Variants in AGAP1 observed in about 807,000 individuals in gnomAD.
The protein encoded by AGAP1 is arf-GAP with GTPase, ANK repeat and PH domain-containing protein 1.
A neutral mutation model predicts 105.3 loss-of-function variants in AGAP1; 29 were observed. The observed-to-expected ratio is 0.28, with a 90% CI of 0.21 to 0.38. The LOEUF is 0.38. Ranked by LOEUF, AGAP1 falls within the 10% of genes least tolerant of loss-of-function variation. The pLI is 1.00. For synonymous variants in AGAP1, 509 were observed against 485.9 expected (o/e 1.05, Z -0.63); for missense variants, 998 against 1,165.1 (o/e 0.86, Z 2.09).
chr2:236,104,558 C>T lies in AGAP1; in HGVS notation c.2115-15634C>T, dbSNP rs955625885. On this transcript the variant is annotated intron_variant, in intron 16 of 17. Transcript: ENST00000304032. The surrounding 1 kb of genome is among the most constrained non-coding windows in gnomAD (Gnocchi z 4.7). ...TCAGAATCCCTTACAAAGCCACAGC[C>T]CTCTGGCCTCTTAGAGAATCCAACT... Among the ~76,000 whole-genome samples the T allele has an allele frequency of 2.0e-5, 3 of 152,202 alleles. No individual in the cohort carries two copies. Among genetic ancestry groups the T allele is most frequent in the Non-Finnish European group, 2.9e-5 (2 of 68,038 alleles).
chr2:235,897,945 A>G (rs2050884304), intron 10 of AGAP1, among the ~76,000 whole-genome samples: 1 of 152,148 alleles, frequency 6.6e-6, no homozygotes, highest in Non-Finnish European at 1.5e-5. Context: ...GAAACCAATC[A>G]AGGTGCGATT....
Position 235,727,735 on chromosome 2 carries a change from G to A in AGAP1, c.310+10091G>A, listed in dbSNP as rs3768962. Reference sequence around the variant, plus strand: ...CCTGTTTTATCGGTGTCAGGAAAGGGGAGCGATCAGTCTCTCAGGAGGTAC... The same window carrying A: ...CCTGTTTTATCGGTGTCAGGAAAGGAGAGCGATCAGTCTCTCAGGAGGTAC... On this transcript the variant is annotated intron_variant, in intron 3 of 17. Transcript: ENST00000304032. Among the ~76,000 whole-genome samples, 6 of 152,160 alleles carry A rather than the reference G, an allele frequency of 3.9e-5. No homozygotes were observed. In the East Asian group the frequency reaches 1.2e-3, roughly 29 times the overall value.
intron 1 of AGAP1, among the ~76,000 whole-genome samples, chr2:235,703,208 G>A (rs112347878): frequency 9.9e-5 from 15 of 152,132 alleles, no homozygotes; most frequent in African/African-American, 2.6e-4. Flanking sequence ...GATTACAGGC[G>A]TGAGTCACCA....
intron 13 of AGAP1, among the ~76,000 whole-genome samples, chr2:235,996,419 A>C (rs1335681939): frequency 6.6e-6 from 1 of 152,248 alleles, no homozygotes; most frequent in Non-Finnish European, 1.5e-5. Context: ...GTTGTGCTGT[A>C]GTTAAGAGAA....
chr2:236,094,157 G>A (rs28656882), intron 16 of AGAP1, among the ~76,000 whole-genome samples: 18,104 of 152,016 alleles, frequency 0.12, 1,911 homozygotes, highest in African/African-American at 0.28. Context: ...TGACAAGACT[G>A]ATCAAAAGCT....
rs910945266 is a variant in AGAP1, at chr2:235,882,121, C to A, written c.1051-1224C>A. Among the ~76,000 whole-genome samples the A allele has an allele frequency of 1.3e-5, 2 of 151,822 alleles. No individual in the cohort carries two copies. Among genetic ancestry groups the A allele is most frequent in the African/African-American group, 4.8e-5 (2 of 41,312 alleles). ...TTTTTGTTTTTGTTCTTTTTGGCTA[C>A]AAGGTGTGTTTTATTTTCATTATTC... On this transcript the variant is annotated intron_variant, in intron 9 of 17. Coordinates refer to ENST00000304032, the MANE Select transcript of AGAP1 (RefSeq NM_001037131.3). The surrounding 1 kb of genome is among the most constrained non-coding windows in gnomAD (Gnocchi z 4.6).
Position 235,889,546 on chromosome 2 carries a change from C to CTT in AGAP1, c.1155+6112_1155+6113dup, listed in dbSNP as rs5839611. ...CGTCATCCCCCAAAAGTGTCTTTGC[C>CTT]TTTTTTTTTTTTTTTTAGCCCTGAG... On this transcript the variant is annotated intron_variant, in intron 10 of 17. Transcript: ENST00000304032. This position sits in a 1 kb window ranked among gnomAD's most constrained non-coding sequence, Gnocchi z 4.6. 0.029 allele frequency among the ~76,000 whole-genome samples: 4,138 copies of CTT among 140,938 alleles called. 79 individuals are homozygous for CTT. The highest frequency in any genetic ancestry group is 0.059 in the African/African-American group (2,241 of 38,068). 92.5% of individuals were successfully genotyped at this position (140,938 alleles called of 152,430 possible).
Position 235,610,247 on chromosome 2 carries a change from G to T in AGAP1, c.164-98932G>T, listed in dbSNP as rs75862317. Among the ~76,000 whole-genome samples the T allele has an allele frequency of 1.3e-5, 2 of 152,122 alleles. No individual in the cohort carries two copies. Among genetic ancestry groups the T allele is most frequent in the Non-Finnish European group, 2.9e-5 (2 of 68,020 alleles). On this transcript the variant is annotated intron_variant, in intron 1 of 17. Transcript: ENST00000304032. The surrounding 1 kb of genome is among the most constrained non-coding windows in gnomAD (Gnocchi z 4.9). Reference sequence around the variant, plus strand: ...CACCGAACATGGCTCTAGCTTCTTCGTTGGCCAGACAGGATCTGCTGTATC... The same window carrying T: ...CACCGAACATGGCTCTAGCTTCTTCTTTGGCCAGACAGGATCTGCTGTATC...
Position 236,120,299 on chromosome 2 carries a change from C to G in AGAP1, c.2222C>G (p.Ala741Gly), listed in dbSNP as rs752827030. The change falls in exon 17 of 18, where the codon GCC (alanine) becomes GGC (glycine). Residue 741 changes from alanine (A) to glycine (G), a missense_variant. Physicochemically the swap from Ala to Gly is moderately conservative, Grantham distance 60. Around this residue, in one of 3 missense-constraint regions of AGAP1, gnomAD observed 235 missense variants for 270.7 expected, o/e 0.87. Coordinates refer to ENST00000304032, the MANE Select transcript of AGAP1 (RefSeq NM_001037131.3). The surrounding 1 kb of genome is among the most constrained non-coding windows in gnomAD (Gnocchi z 6.0). ...GGCCAGCACCTGCTGCGGGCCACCG[C>G]CGACGAGGACCTGCGGACGGCCATC... ...SLGQHLLRAT[A>G]DEDLRTAILL... 2.5e-6 allele frequency: 4 copies of G among 1,612,886 alleles called. No homozygotes were observed. In the East Asian group the frequency reaches 6.7e-5, roughly 27 times the overall value.
intron 13 of AGAP1, among the ~76,000 whole-genome samples, chr2:236,018,360 G>A (rs2056778456): frequency 6.6e-6 from 1 of 152,232 alleles, no homozygotes; most frequent in African/African-American, 2.4e-5. Flanking sequence ...ATTGGAGAAA[G>A]AACAAAGAGG....
At chr2:235,581,022 A>AG (rs2149188666) in intron 1 of AGAP1, among the ~76,000 whole-genome samples, 1 of 150,002 alleles carries the variant, frequency 6.7e-6, no homozygotes, top group Admixed American at 6.7e-5. Flanking sequence ...TGAGGTGTGG[A>AG]GTGGAGGCTT....
At position 236,020,377 on chromosome 2, in the gene AGAP1, G is replaced by A. The variant is rs903742617; in HGVS notation, c.1646-16184G>A. Among the ~76,000 whole-genome samples the A allele has an allele frequency of 2.0e-5, 3 of 152,210 alleles. No individual in the cohort carries two copies. The highest frequency in any genetic ancestry group is 4.4e-5 in the Non-Finnish European group (3 of 68,042). On this transcript the variant is annotated intron_variant, in intron 13 of 17. Coordinates refer to ENST00000304032, the MANE Select transcript of AGAP1 (RefSeq NM_001037131.3). The surrounding 1 kb of genome is among the most constrained non-coding windows in gnomAD (Gnocchi z 5.0). ...GACGTGTTGCCCATGAAGCATAGGGGGGAATTTAGAAATGAAACTTAACCT... is the reference window on the plus strand; with the variant it reads ...GACGTGTTGCCCATGAAGCATAGGGAGGAATTTAGAAATGAAACTTAACCT...
intron 1 of AGAP1, among the ~76,000 whole-genome samples, chr2:235,561,925 T>C (rs1944166445): frequency 6.6e-6 from 1 of 152,186 alleles, no homozygotes; most frequent in African/African-American, 2.4e-5. Context: ...AGGCTTTTCA[T>C]TTAACTTAGA....
chr2:236,070,079 T>G (rs1449651261), intron 16 of AGAP1, among the ~76,000 whole-genome samples: 1 of 152,254 alleles, frequency 6.6e-6, no homozygotes, highest in Non-Finnish European at 1.5e-5. Flanking sequence ...GCTGTGGCGC[T>G]GTATGAGAGC....
At position 235,943,398 on chromosome 2, in the gene AGAP1, C is replaced by G. The variant is rs1037566524; in HGVS notation, c.1483+12475C>G. Among the ~76,000 whole-genome samples the G allele has an allele frequency of 2.1e-3, 252 of 118,260 alleles. 1 individual carries two copies. The highest frequency in any genetic ancestry group is 8.7e-3 in the African/African-American group (244 of 27,978). 77.6% of individuals were successfully genotyped at this position (118,260 alleles called of 152,430 possible). A position where few individuals can be genotyped will look rare whatever the true frequency, so the allele number is the denominator to read the frequency against. On this transcript the variant is annotated intron_variant, in intron 12 of 17. Transcript: ENST00000304032. ...TTTTTTTTTGACACAGAGTTTCACT[C>G]GTCACCCAGGCTGGAGTGCAGTGGC...
At chr2:235,527,703 T>C (rs1195028764) in intron 1 of AGAP1, among the ~76,000 whole-genome samples, 3 of 152,156 alleles carry the variant, frequency 2.0e-5, no homozygotes, top group South Asian at 4.1e-4. Context: ...TAAACATCTA[T>C]AATTTGTGTT....
At chr2:235,774,270 T>C (rs2696411) in intron 6 of AGAP1, 114,288 of 444,602 alleles carry the variant, frequency 0.26, 16,407 homozygotes, top group Admixed American at 0.45. Context: ...CAGCCTCCCC[T>C]ATCCACAGCC....
At chr2:235,926,995 C>G (rs1030389217) in intron 11 of AGAP1, among the ~76,000 whole-genome samples, 2 of 152,186 alleles carry the variant, frequency 1.3e-5, no homozygotes, top group African/African-American at 4.8e-5. Flanking sequence ...AAATGATCAA[C>G]TAAGTAAAAA....
chr2:235,870,895 G>C (rs1053500751), intron 9 of AGAP1, among the ~76,000 whole-genome samples: 2 of 152,176 alleles, frequency 1.3e-5, no homozygotes, highest in African/African-American at 4.8e-5. Context: ...TTTTCTTTCT[G>C]AACTTTCTCT....
Sources: allele counts gnomAD v4.1 joint callset (sites outside exome capture counted in the v4.1 genomes callset), GRCh38; gene constraint gnomAD v4.1.1; regional missense constraint gnomAD v4.1.1; non-coding constraint Gnocchi (gnomAD v3.1); transcripts MANE v1.5; gene names NCBI Gene and HGNC (gene_info 2026-07-23, HGNC 2026-07-21).